KDM2A: variants seen among roughly 807,000 people sequenced by gnomAD.
KDM2A encodes lysine-specific demethylase 2A.
Under a neutral mutation model 137.3 loss-of-function variants are expected in KDM2A, and 3 were observed. The ratio of observed to expected loss-of-function variants is 0.02; its 90% CI spans 0.01 to 0.06. The LOEUF (loss-of-function observed/expected upper bound fraction) is 0.06, where lower values mean the gene tolerates loss of function less well. KDM2A is among the 10% of genes least tolerant of loss of function. The pLI is 1.00. For synonymous variants in KDM2A, 512 were observed against 541.5 expected, an observed-to-expected ratio of 0.95 and a Z score of 0.76; for missense variants, 738 against 1,510.6, an observed-to-expected ratio of 0.49 and a Z score of 8.48.
intron 5 of KDM2A, among the ~76,000 whole-genome samples, chr11:67,186,107 C>T (rs1363234151): frequency 6.6e-6 from 1 of 151,854 alleles, no homozygotes; most frequent in Non-Finnish European, 1.5e-5. Flanking sequence ...CTGAAAATTT[C>T]CCAAATTTGA....
Position 67,226,732 on chromosome 11 carries a change from C to T in KDM2A, c.958-1305C>T, listed in dbSNP as rs1480105383. The stretch of plus-strand genomic sequence containing the variant: ...GCAAGACTCCGTCTCAAAAAACAAA[C>T]GAAAATCAATCAGATTTCCTTCAGC... On this transcript the variant is annotated intron_variant, in intron 10 of 20. Transcript: ENST00000529006. 8.5e-5 allele frequency among the ~76,000 whole-genome samples: 13 copies of T among 152,188 alleles called. No homozygotes were observed. The South Asian group carries it at 2.5e-3, about 29-fold the overall frequency.
At chr11:67,185,356 G>A (rs1857178723) in intron 5 of KDM2A, among the ~76,000 whole-genome samples, 1 of 152,184 alleles carries the variant, frequency 6.6e-6, no homozygotes, top group Admixed American at 6.5e-5. Flanking sequence ...TCCCTGCCAG[G>A]TGTGGTGCCT....
chr11:67,135,961 C>T (rs1180286584), intron 2 of KDM2A, among the ~76,000 whole-genome samples: 1 of 152,148 alleles, frequency 6.6e-6, no homozygotes, highest in Non-Finnish European at 1.5e-5. Flanking sequence ...TCATTGCATT[C>T]TGTGTTTACC....
chr11:67,153,599 A>G (rs1590728731), intron 2 of KDM2A, among the ~76,000 whole-genome samples: 1 of 152,192 alleles, frequency 6.6e-6, no homozygotes. Context: ...TAATCCCAGC[A>G]CTTCGGAAGG....
chr11:67,184,303 G>T (rs945760060), intron 5 of KDM2A, among the ~76,000 whole-genome samples: 15 of 151,722 alleles, frequency 9.9e-5, no homozygotes, highest in Non-Finnish European at 2.1e-4. Flanking sequence ...AGATCAGCCT[G>T]GCCAACATGG....
At chr11:67,155,957 A>AAAAAG (rs1856503703) in intron 2 of KDM2A, among the ~76,000 whole-genome samples, 1 of 145,910 alleles carries the variant, frequency 6.9e-6, no homozygotes, top group Non-Finnish European at 1.5e-5. Context: ...AAAAAAAAAA[A>AAAAAG]TCACAGGAAG....
intron 2 of KDM2A, among the ~76,000 whole-genome samples, chr11:67,159,518 A>G (rs926840230): frequency 1.3e-5 from 2 of 152,232 alleles, no homozygotes; most frequent in African/African-American, 2.4e-5. Context: ...AAATTGTATC[A>G]GGTCAGGAGA....
At chr11:67,219,537 A>C (rs1858270652) in intron 10 of KDM2A, 134 bp downstream of exon 10, 4 of 447,700 alleles carry the variant, frequency 8.9e-6, no homozygotes, top group Non-Finnish European at 1.5e-5. Flanking sequence ...ACATTTTGGG[A>C]ACACACAAAA....
chr11:67,249,975 G>C (rs1859358191), intron 16 of KDM2A, 111 bp from the exon 17 acceptor site: 1 of 689,036 alleles, frequency 1.5e-6, no homozygotes, highest in African/African-American at 5.8e-5. Context: ...CCTCTCCAAC[G>C]TGACCTTTCT....
chr11:67,121,966 A>G (rs1034815625), intron 2 of KDM2A, among the ~76,000 whole-genome samples: 2 of 152,188 alleles, frequency 1.3e-5, no homozygotes, highest in Non-Finnish European at 2.9e-5. Context: ...ATTTGAAAGG[A>G]TTGGCTTATA....
intron 9 of KDM2A, among the ~76,000 whole-genome samples, chr11:67,218,631 T>C (rs1036266899): frequency 3.9e-5 from 6 of 151,902 alleles, no homozygotes; most frequent in Non-Finnish European, 8.8e-5. Flanking sequence ...TGAGATGGAG[T>C]CTTGCTCTGT....
At chr11:67,205,235 T>C (rs1857766705) in intron 5 of KDM2A, among the ~76,000 whole-genome samples, 1 of 152,234 alleles carries the variant, frequency 6.6e-6, no homozygotes, top group South Asian at 2.1e-4. Context: ...CAGTTTTGAT[T>C]TGACATTCAC....
chr11:67,255,381 G>A lies in KDM2A; in HGVS notation c.*326G>A. ...TGGGGTGTTTGTGCAACCTTCATCT[G>A]CACTGGGCCCTGTGCCCCTCCTCCC... is the stretch of plus-strand genomic sequence containing the variant. On this transcript the variant is annotated 3_prime_UTR_variant, in exon 21 of 21. Transcript: ENST00000529006. 2.1e-6 allele frequency: 1 copy of A among 473,736 alleles called. No homozygotes were observed. Among genetic ancestry groups the A allele is most frequent in the Non-Finnish European group, 4.1e-6 (1 of 241,704 alleles). 29.3% of individuals were successfully genotyped at this position (473,736 alleles called of 1,614,324 possible). A position where few individuals can be genotyped will look rare whatever the true frequency, so the allele number is the denominator to read the frequency against.
At position 67,255,650 on chromosome 11, in the gene KDM2A, G is replaced by C; in HGVS notation, c.*595G>C. ...CTCTCCCTCCTTTCCTCTCCCTTGA[G>C]CTTGGTTCTGCCCAGCACTCGTGCT... is the stretch of plus-strand genomic sequence containing the variant. On this transcript the variant is annotated 3_prime_UTR_variant, in exon 21 of 21. Coordinates refer to ENST00000529006, the MANE Select transcript of KDM2A (RefSeq NM_012308.3). 1 of 448,354 alleles carries C rather than the reference G, an allele frequency of 2.2e-6. No homozygotes were observed. Among genetic ancestry groups the C allele is most frequent in the Non-Finnish European group, 4.5e-6 (1 of 221,794 alleles). 27.8% of individuals were successfully genotyped at this position (448,354 alleles called of 1,614,324 possible).
intron 8 of KDM2A, among the ~76,000 whole-genome samples, chr11:67,217,110 C>T (rs373990679): frequency 1.4e-5 from 2 of 147,642 alleles, no homozygotes; most frequent in Non-Finnish European, 1.5e-5. Context: ...GGTGTGGTGG[C>T]GCACGCCTGT....
chr11:67,240,716 C>T (rs899803501), intron 12 of KDM2A, among the ~76,000 whole-genome samples: 2 of 152,234 alleles, frequency 1.3e-5, no homozygotes, highest in African/African-American at 4.8e-5. Context: ...CCCCGCTCTC[C>T]TATCCCAAAC....
chr11:67,204,130 CTTG>C (rs936403633), intron 5 of KDM2A, among the ~76,000 whole-genome samples: 3 of 152,094 alleles, frequency 2.0e-5, no homozygotes, highest in African/African-American at 4.8e-5. Context: ...AAAGCATTTA[CTTG>C]TTATTTCTTA....
At position 67,250,235 on chromosome 11, in the gene KDM2A, G is replaced by A. The variant is rs2136460198; in HGVS notation, c.2205G>A (p.Met735Ile). 6.2e-7 allele frequency: 1 copy of A among 1,613,878 alleles called. No individual in the cohort carries two copies. Among genetic ancestry groups the A allele is most frequent in the East Asian group, 2.2e-5 (1 of 44,868 alleles). The change falls in exon 17 of 21, where the codon ATG becomes ATA. Residue 735 changes from methionine to isoleucine, a missense_variant. Coordinates refer to ENST00000529006, the MANE Select transcript of KDM2A (RefSeq NM_012308.3). The surrounding 1 kb of genome is among the most constrained non-coding windows in gnomAD (Gnocchi z 7.1). ...LIHDPVSPRG[M>I]VTRSSPGAGP... is the part of the protein sequence containing the mutation. ...ATGACCCGGTTTCCCCCCGGGGTAT[G>A]GTGACTCGGTCATCCCCTGGGGCTG...
rs891743037 is a variant in KDM2A, at chr11:67,119,476, C to T, written c.-657C>T. 2.0e-5 allele frequency: 3 copies of T among 153,234 alleles called. No homozygotes were observed. The highest frequency in any genetic ancestry group is 1.8e-4 in the South Asian group (1 of 5,680). 9.5% of individuals were successfully genotyped at this position (153,234 alleles called of 1,614,324 possible). A position where few individuals can be genotyped will look rare whatever the true frequency, so the allele number is the denominator to read the frequency against. The stretch of plus-strand genomic sequence containing the variant: ...AGGGGGCCCATCCCCCGGAATCCCT[C>T]TTCTGCGACTGGGGAGTAGCCGGGG... On this transcript the variant is annotated 5_prime_UTR_variant, in exon 1 of 21. Transcript: ENST00000529006.
Sources: gnomAD v4.1 joint callset for allele counts (sites outside exome capture counted in the v4.1 genomes callset) on GRCh38, gnomAD v4.1.1 for gene constraint, Gnocchi (gnomAD v3.1) non-coding constraint, MANE v1.5 for transcripts, NCBI Gene and HGNC (gene_info 2026-07-23, HGNC 2026-07-21) for gene names.